The following SLC6A11 variants were observed in gnomAD, a reference collection of about 807,000 sequenced individuals.
SLC6A11 encodes the protein solute carrier family 6 member 11, also known as sodium- and chloride-dependent GABA transporter 3.
In SLC6A11, 25 loss-of-function variants were observed where a neutral mutation model predicts 74.8. The ratio of observed to expected loss-of-function variants is 0.33; its 90% confidence interval spans 0.24 to 0.47. The LOEUF (loss-of-function observed/expected upper bound fraction) is 0.47. Among genes scored for constraint, SLC6A11 ranks in the 20% least tolerant of loss-of-function variants. The probability of loss-of-function intolerance (pLI) is 1.00; values close to 1 mark genes in which losing one functional copy is unlikely to be tolerated. For synonymous variants in SLC6A11, 330 were observed against 330.2 expected (o/e 1.00, Z 0.01); for missense variants, 574 against 837.0 (o/e 0.69, Z 3.88).
intron 6 of SLC6A11, among the ~76,000 whole-genome samples, chr3:10,887,298 TGATGGATGGATGGATG>T (rs113426564): frequency 7.0e-6 from 1 of 143,876 alleles, no homozygotes; most frequent in Non-Finnish European, 1.5e-5. Context: ...GATAAATGGA[TGATGGATGGATGGATG>T]GATGGATGGA....
At chr3:10,892,771 G>A (rs945548336) in intron 6 of SLC6A11, among the ~76,000 whole-genome samples, 5 of 151,470 alleles carry the variant, frequency 3.3e-5, no homozygotes, top group African/African-American at 1.2e-4. Context: ...ATTTACCTGT[G>A]GTCATGAGAA....
intron 5 of SLC6A11, among the ~76,000 whole-genome samples, chr3:10,869,730 G>A (rs149499880): frequency 3.3e-5 from 5 of 152,360 alleles, no homozygotes; most frequent in East Asian, 1.9e-4. Flanking sequence ...CCTTGAATGC[G>A]AGGCTGAGGA....
chr3:10,888,190 A>G (rs1247457631), intron 6 of SLC6A11, among the ~76,000 whole-genome samples: 2 of 152,192 alleles, frequency 1.3e-5, no homozygotes, highest in East Asian at 1.9e-4. Context: ...CCTCAGTTTC[A>G]TCTCTCGTAA....
At chr3:10,895,598 G>C (rs1376611275) in intron 6 of SLC6A11, among the ~76,000 whole-genome samples, 2 of 152,176 alleles carry the variant, frequency 1.3e-5, no homozygotes, top group East Asian at 1.9e-4. Flanking sequence ...GGGCCTGTTG[G>C]GGGGATAGCG....
intron 13 of SLC6A11, among the ~76,000 whole-genome samples, chr3:10,937,707 G>A (rs1466645991): frequency 6.6e-6 from 1 of 152,232 alleles, no homozygotes; most frequent in East Asian, 1.9e-4. Flanking sequence ...GCAGGCTGAG[G>A]CTGTGAGCCT....
intron 6 of SLC6A11, among the ~76,000 whole-genome samples, chr3:10,885,866 A>G (rs1695036384): frequency 6.6e-6 from 1 of 152,164 alleles, no homozygotes; most frequent in African/African-American, 2.4e-5. Context: ...GTGAGCCTTG[A>G]GCGGTCCCAC....
rs79974668 is a variant in SLC6A11 at position 10,917,268 on chromosome 3, G to C, written c.996-1061G>C. ...GAACAAGCATGGGTGAATACAATATGAGAAAGTTCTTAGCACGCTAAGCAG... is the reference window on the plus strand; with the variant it reads ...GAACAAGCATGGGTGAATACAATATCAGAAAGTTCTTAGCACGCTAAGCAG... On this transcript the variant is annotated intron_variant, in intron 7 of 13. Transcript: ENST00000254488. Among the ~76,000 whole-genome samples the C allele has an allele frequency of 2.5e-3, 386 of 152,284 alleles. 13 individuals carry two copies. In the East Asian group the frequency reaches 0.066, roughly 26 times the overall value.
chr3:10,849,774 C>CTG (rs1284596770), intron 5 of SLC6A11, among the ~76,000 whole-genome samples: 5 of 116,664 alleles, frequency 4.3e-5, no homozygotes, highest in Non-Finnish European at 6.5e-5. Context: ...TCTAGTATCT[C>CTG]TGTGCATACT....
At chr3:10,931,138 G>A (rs1253933587) in intron 10 of SLC6A11, among the ~76,000 whole-genome samples, 1 of 152,210 alleles carries the variant, frequency 6.6e-6, no homozygotes, top group Non-Finnish European at 1.5e-5. Context: ...GCAGACAGAT[G>A]ACCTGGGTTC....
At chr3:10,832,944 C>G (rs1694316632) in intron 4 of SLC6A11, among the ~76,000 whole-genome samples, 1 of 152,204 alleles carries the variant, frequency 6.6e-6, no homozygotes, top group Non-Finnish European at 1.5e-5. Flanking sequence ...AGGGGCATGC[C>G]AAAGTCTGCA....
intron 7 of SLC6A11, among the ~76,000 whole-genome samples, chr3:10,913,884 G>A (rs972846744): frequency 3.3e-5 from 5 of 152,044 alleles, no homozygotes; most frequent in Admixed American, 2.0e-4. Context: ...TAGTAGAGAC[G>A]GGGTTTCACC....
Position 10,926,127 on chromosome 3 carries a change from A to G in SLC6A11, c.1233+11A>G, listed in dbSNP as rs1021339841. On this transcript the variant is annotated intron_variant, in intron 9 of 13. Transcript: ENST00000254488. This position sits in a 1 kb window ranked among gnomAD's most constrained non-coding sequence, Gnocchi z 5.7. ...GGCCTGGACAGCCAGGTAAGGGGCC[A>G]TGGGGATGGGGAGCCCAGGAGGGAG... 9 of 1,561,542 alleles carry G rather than the reference A, an allele frequency of 5.8e-6. No homozygotes were observed. The African/African-American group carries it at 1.1e-4, about 19-fold the overall frequency.
intron 6 of SLC6A11, among the ~76,000 whole-genome samples, chr3:10,889,137 G>A (rs1002103299): frequency 6.6e-6 from 1 of 152,050 alleles, no homozygotes; most frequent in Non-Finnish European, 1.5e-5. Flanking sequence ...TAAGTTTACA[G>A]AAAAATGGAG....
At chr3:10,938,093 C>G (rs887324158) in intron 13 of SLC6A11, among the ~76,000 whole-genome samples, 157 bp from the exon 14 acceptor site, 6 of 152,182 alleles carry the variant, frequency 3.9e-5, no homozygotes. Context: ...TGTTCATCAT[C>G]CAGGACAGAG....
intron 7 of SLC6A11, among the ~76,000 whole-genome samples, chr3:10,914,130 G>A (rs1204342989): frequency 6.6e-6 from 1 of 152,176 alleles, no homozygotes; most frequent in Non-Finnish European, 1.5e-5. Context: ...TCATCATGTG[G>A]CTCGAGTGGC....
chr3:10,914,370 G>A (rs1359404297), intron 7 of SLC6A11, among the ~76,000 whole-genome samples: 1 of 152,160 alleles, frequency 6.6e-6, no homozygotes, highest in Non-Finnish European at 1.5e-5. Flanking sequence ...AGTGTTTACT[G>A]TGTGTCTACT....
At chr3:10,898,639 A>T (rs561946109) in intron 6 of SLC6A11, among the ~76,000 whole-genome samples, 1 of 152,322 alleles carries the variant, frequency 6.6e-6, no homozygotes, top group East Asian at 1.9e-4. Flanking sequence ...TTCATTGTCC[A>T]TGTCATTATC....
At chr3:10,906,120 A>G (rs1335585286) in intron 6 of SLC6A11, among the ~76,000 whole-genome samples, 1 of 152,116 alleles carries the variant, frequency 6.6e-6, no homozygotes, top group Non-Finnish European at 1.5e-5. Context: ...GAAAACCTGG[A>G]TCATCTAGTG....
In SLC6A11 at chr3:10,816,717, A is replaced by T. The variant is rs750032545; in HGVS notation, c.256+196A>T. Among the ~76,000 whole-genome samples the T allele has an allele frequency of 6.6e-6, 1 of 152,164 alleles. No individual in the cohort carries two copies. Among genetic ancestry groups the T allele is most frequent in the East Asian group, 1.9e-4 (1 of 5,154 alleles). On this transcript the variant is annotated intron_variant, in intron 1 of 13. Transcript: ENST00000254488. This position sits in a 1 kb window ranked among gnomAD's most constrained non-coding sequence, Gnocchi z 4.2. ...TGCCAGTGCGCACGCGCACGTGCCAATTCGCACCTGAGGGTTCCACCTGCC... is the reference window on the plus strand; with the variant it reads ...TGCCAGTGCGCACGCGCACGTGCCATTTCGCACCTGAGGGTTCCACCTGCC...
Sources: gnomAD v4.1 joint callset for allele counts (sites outside exome capture counted in the v4.1 genomes callset) on GRCh38, gnomAD v4.1.1 for gene constraint, Gnocchi (gnomAD v3.1) non-coding constraint, MANE v1.5 for transcripts, NCBI Gene and HGNC (gene_info 2026-07-23, HGNC 2026-07-21) for gene names.